Variants in TSFM observed in about 807,000 individuals in gnomAD.
The protein encoded by TSFM is Ts translation elongation factor, mitochondrial, also known as elongation factor Ts, mitochondrial.
TSFM carries 29 observed loss-of-function variants against 33.4 expected under a neutral mutation model. That is an observed-to-expected ratio of 0.87 (90% CI 0.65 to 1.18). TSFM has a LOEUF of 1.18. Among genes scored for constraint, TSFM ranks in the 50% most tolerant of loss-of-function variants. TSFM has a pLI of 0.00. For synonymous variants in TSFM, 178 were observed against 163.5 expected, an observed-to-expected ratio of 1.09 and a Z score of -0.68; for missense variants, 394 against 395.6, an observed-to-expected ratio of 1.00 and a Z score of 0.04.
chr12:57,793,823 T>C (rs1375581342), intron 5 of TSFM, among the ~76,000 whole-genome samples: 4 of 152,198 alleles, frequency 2.6e-5, no homozygotes, highest in African/African-American at 4.8e-5. Context: ...TTATTTCCTC[T>C]TCTTTATAAA....
At position 57,796,664 on chromosome 12, in the gene TSFM, CT is replaced by C; in HGVS notation, c.*83del. The C allele has an allele frequency of 7.9e-7, 1 of 1,266,998 alleles. No individual in the cohort carries two copies. Among genetic ancestry groups the C allele is most frequent in the Non-Finnish European group, 1.0e-6 (1 of 998,518 alleles). The allele number at this position is 1,266,998 out of a possible 1,614,324, so 78.5% of individuals were successfully genotyped here. A position where few individuals can be genotyped will look rare whatever the true frequency, so the allele number is the denominator to read the frequency against. ...ACAAAAAGGAATATTTCCCAAACCTCTTCAGACCGAGAATGCATGGGTAAAA... is the reference window on the plus strand; with the variant it reads ...ACAAAAAGGAATATTTCCCAAACCTCTCAGACCGAGAATGCATGGGTAAAA... On this transcript the variant is annotated 3_prime_UTR_variant, in exon 6 of 6. Transcript: ENST00000652027.
rs1263404110 is a variant in TSFM at position 57,796,267 on chromosome 12, T to C, written c.662T>C (p.Met221Thr). ...GTTGGCTCTTATGTCCACGGAGCAA[T>C]GCAGAGTCCCTCACTTCACAAGCTG... ...FYVGSYVHGA[M>T]QSPSLHKLVL... is the part of the protein sequence containing the mutation. Residue 221 changes from methionine to threonine, a missense_variant, in exon 6 of 6, where the codon ATG (methionine) becomes ACG (threonine). Physicochemically the swap from Met to Thr is moderately conservative, Grantham distance 81 (BLOSUM62 -1). Around this residue, in one of 3 missense-constraint regions of TSFM, gnomAD observed 186 missense variants for 198.8 expected, o/e 0.94. Coordinates refer to ENST00000652027, the MANE Select transcript of TSFM (RefSeq NM_005726.6). 1.2e-6 allele frequency: 2 copies of C among 1,613,248 alleles called. No homozygotes were observed. The highest frequency in any genetic ancestry group is 1.1e-5 in the South Asian group (1 of 90,944).
intron 5 of TSFM, among the ~76,000 whole-genome samples, chr12:57,793,508 C>T (rs1321274296): frequency 6.6e-6 from 1 of 152,212 alleles, no homozygotes; most frequent in Admixed American, 6.5e-5. Flanking sequence ...AGGCGTGAGC[C>T]ACCGCGCCCG....
Position 57,797,557 on chromosome 12 carries a change from C to T in TSFM, c.*974C>T. ...AGGTAGGTCCTGGTATAATATTAAA[C>T]ATAAAGTTATTAAACATTTTAAGCA... On this transcript the variant is annotated 3_prime_UTR_variant, in exon 6 of 6. Transcript: ENST00000652027. 2.2e-6 allele frequency: 2 copies of T among 911,944 alleles called. No homozygotes were observed. Among genetic ancestry groups the T allele is most frequent in the African/African-American group, 1.8e-5 (1 of 55,796 alleles). The allele number at this position is 911,944 out of a possible 1,614,324, so 56.5% of individuals were successfully genotyped here. A position where few individuals can be genotyped will look rare whatever the true frequency, so the allele number is the denominator to read the frequency against.
At chr12:57,792,585 TTTTC>T (rs568880068) in intron 4 of TSFM, among the ~76,000 whole-genome samples, 283 of 152,130 alleles carry the variant, frequency 1.9e-3, no homozygotes, top group African/African-American at 6.4e-3. Flanking sequence ...TTAAAGAATG[TTTTC>T]TTTCTTTCTT....
At chr12:57,797,977 C>A, downstream of TSFM, 1 of 1,611,370 alleles carries the variant, frequency 6.2e-7, no homozygotes, top group Non-Finnish European at 8.5e-7. Flanking sequence ...GACACAAAGT[C>A]CTGTTCAGAG....
At position 57,796,200 on chromosome 12, in the gene TSFM, C is replaced by T. The variant is rs868761403; in HGVS notation, c.595C>T (p.Leu199Phe). The change falls in exon 6 of 6, where the codon CTT becomes TTT. Residue 199 changes from leucine (L) to phenylalanine (F), a missense_variant. Transcript: ENST00000652027. ...AGGAAAACTGGGAGAAAACATGATT[C>T]TTAAACGAGCTGCATGGGTGAAGGT... ...AIGKLGENMI[L>F]KRAAWVKVPS... 7 of 1,581,042 alleles carry T rather than the reference C, an allele frequency of 4.4e-6. No individual in the cohort carries two copies. The highest frequency in any genetic ancestry group is 1.7e-4 in the Middle Eastern group (1 of 5,930).
chr12:57,785,776 A>G (rs1426633501), intron 2 of TSFM, among the ~76,000 whole-genome samples: 1 of 152,358 alleles, frequency 6.6e-6, no homozygotes, highest in African/African-American at 2.4e-5. Flanking sequence ...TGCCACAAAC[A>G]TGTAGGTAAT....
chr12:57,797,996 C>A, downstream of TSFM: 1 of 1,591,058 alleles, frequency 6.3e-7, no homozygotes, highest in African/African-American at 1.4e-5. Flanking sequence ...AGAGGTAATT[C>A]TAAGAGAGAA....
chr12:57,798,085 A>G (rs1017843573), downstream of TSFM: 4 of 825,194 alleles, frequency 4.8e-6, no homozygotes, highest in Non-Finnish European at 7.4e-6. Context: ...AGGGAGTTCT[A>G]GGTGGATCCT....
chr12:57,800,089 G>A (rs1955817064), downstream of TSFM: 2 of 898,134 alleles, frequency 2.2e-6, no homozygotes, highest in Non-Finnish European at 3.3e-6. Flanking sequence ...AATCATCTGG[G>A]AATAGAAAAT....
At chr12:57,798,900 C>T (rs569067888), downstream of TSFM, among the ~76,000 whole-genome samples, 3 of 152,302 alleles carry the variant, frequency 2.0e-5, no homozygotes, top group African/African-American at 4.8e-5. Flanking sequence ...CAGGTATGAG[C>T]CACCGTGCCC....
chr12:57,787,033 C>G lies in TSFM; in HGVS notation c.361-7C>G. The G allele has an allele frequency of 6.2e-7, 1 of 1,612,272 alleles. No homozygotes were observed. Among genetic ancestry groups the G allele is most frequent in the Non-Finnish European group, 8.5e-7 (1 of 1,179,122 alleles). On this transcript the variant is annotated splice_region_variant and splice_polypyrimidine_tract_variant and intron_variant, in intron 3 of 5. Transcript: ENST00000652027. ...GCTTATACAGCTATATCAATTTGTT[C>G]CCACAGGTAAACTGTGAGACAGATT...
intron 3 of TSFM, 21 bp downstream of exon 3, chr12:57,786,312 G>A (rs775817862): frequency 5.7e-5 from 92 of 1,606,730 alleles, no homozygotes; most frequent in Non-Finnish European, 7.5e-5. Context: ...GGAAATTCCA[G>A]ATACCAAGAA....
Position 57,793,007 on chromosome 12 carries a change from C to T in TSFM, c.505C>T (p.Leu169Phe), listed in dbSNP as rs558036154. The change falls in exon 5 of 6, where the codon CTT (leucine) becomes TTT (phenylalanine). Residue 169 changes from leucine to phenylalanine, a missense_variant. By Grantham distance (22) the Leu-to-Phe change is conservative. Around this residue, in one of 3 missense-constraint regions of TSFM, gnomAD observed 186 missense variants for 198.8 expected, o/e 0.94. Coordinates refer to ENST00000652027, the MANE Select transcript of TSFM (RefSeq NM_005726.6). The part of the protein sequence containing the change: ...YSKGFLNSSE[L>F]SGLPAGPDRE... Reference sequence around the variant, plus strand: ...TTAGGGTTTCTTGAATTCCTCTGAGCTTTCTGGACTTCCAGCTGGGCCTGA... The same window carrying T: ...TTAGGGTTTCTTGAATTCCTCTGAGTTTTCTGGACTTCCAGCTGGGCCTGA... The T allele has an allele frequency of 3.1e-6, 5 of 1,613,812 alleles. No homozygotes were observed. The highest frequency in any genetic ancestry group is 1.7e-5 in the Admixed American group (1 of 60,026).
At chr12:57,799,839 G>T (rs1565827996), downstream of TSFM, 5 of 1,613,972 alleles carry the variant, frequency 3.1e-6, no homozygotes, top group South Asian at 1.1e-5. Context: ...TCCTGATTCT[G>T]GTTTTTCAAC....
chr12:57,783,743 G>A (rs1955548275), intron 2 of TSFM: 1 of 572,722 alleles, frequency 1.7e-6, no homozygotes. Flanking sequence ...ACAGGCGTGC[G>A]CCACGACACC....
rs780491309 is a variant in TSFM at position 57,783,276 on chromosome 12, T to A, written c.224T>A (p.Leu75His). ...KKALETCGGD[L>H]KQAEIWLHKE... ...GCTCTGGAGACTTGTGGCGGGGACC[T>A]CAAACAGGTGTGTGTGTGGAGGGGT... Residue 75 changes from leucine to histidine, a missense_variant, in exon 2 of 6, where the codon CTC becomes CAC. This residue lies in a region of TSFM where 208 missense variants were observed against 180.4 expected (regional missense o/e 1.15). Coordinates refer to ENST00000652027, the MANE Select transcript of TSFM (RefSeq NM_005726.6). 1 of 1,613,600 alleles carries A rather than the reference T, an allele frequency of 6.2e-7. No individual in the cohort carries two copies. The highest frequency in any genetic ancestry group is 8.5e-7 in the Non-Finnish European group (1 of 1,179,856).
In TSFM at chr12:57,796,547, A is replaced by G; in HGVS notation, c.942A>G (p.Glu314=). 2 of 1,457,948 alleles carry G rather than the reference A, an allele frequency of 1.4e-6. No homozygotes were observed. The highest frequency in any genetic ancestry group is 1.8e-6 in the Non-Finnish European group (2 of 1,100,446). The allele number at this position is 1,457,948 out of a possible 1,614,324, so 90.3% of individuals were successfully genotyped here. The change falls in exon 6 of 6, where the codon GAA becomes GAG. Residue 314 remains glutamate, a synonymous_variant. Transcript: ENST00000652027. ...CGGTAGTAGACTTTGTGCGGTTTGA[A>G]TGTGGAGAAGGTGAAGAGGCAGCAG... ...GVSVVDFVRF[E]CGEGEEAAET...
Sources: allele counts gnomAD v4.1 joint callset (sites outside exome capture counted in the v4.1 genomes callset), GRCh38; gene constraint gnomAD v4.1.1; regional missense constraint gnomAD v4.1.1; transcripts MANE v1.5; gene names NCBI Gene and HGNC (gene_info 2026-07-23, HGNC 2026-07-21).